ROBO2: variants seen among roughly 807,000 people sequenced by gnomAD.
ROBO2 encodes roundabout homolog 2.
Under a neutral mutation model 160.8 loss-of-function variants are expected in ROBO2, and 53 were observed. The observed-to-expected ratio is 0.33, with a 90% CI of 0.26 to 0.41. The LOEUF is 0.41. ROBO2 is among the 10% of genes least tolerant of loss of function. The pLI is 1.00. For missense variants in ROBO2, 1,577 were observed against 1,722.4 expected (o/e 0.92, Z 1.49); for synonymous variants, 664 against 611.7 (o/e 1.09, Z -1.26).
chr3:77,114,646 G>C (rs943495683), intron 2 of ROBO2, among the ~76,000 whole-genome samples: 1 of 152,116 alleles, frequency 6.6e-6, no homozygotes. Context: ...TTTTTTGAAA[G>C]ATTATGCACA....
chr3:77,139,072 T>C (rs912281317), intron 2 of ROBO2, among the ~76,000 whole-genome samples: 1 of 152,240 alleles, frequency 6.6e-6, no homozygotes, highest in South Asian at 2.1e-4. Flanking sequence ...ATCTGGCCAG[T>C]TCTAATCACT....
intron 2 of ROBO2, among the ~76,000 whole-genome samples, chr3:76,725,142 A>G (rs964695338): frequency 2.6e-5 from 4 of 152,172 alleles, no homozygotes; most frequent in African/African-American, 9.7e-5. Context: ...GTCATTTATT[A>G]TAGCGCCCAG....
chr3:76,164,870 C>CT (rs11412029), intron 2 of ROBO2, among the ~76,000 whole-genome samples: 132,355 of 152,076 alleles, frequency 0.87, 58,123 homozygotes, highest in East Asian at 0.98. Flanking sequence ...GGGACTGCCC[C>CT]GCAGGACACT....
intron 24 of ROBO2, among the ~76,000 whole-genome samples, chr3:77,640,197 C>T (rs1250594755): frequency 4.7e-5 from 7 of 147,604 alleles, no homozygotes; most frequent in Admixed American, 1.4e-4. Context: ...CTGCAAGATC[C>T]GCCTCCCGGG....
intron 2 of ROBO2, among the ~76,000 whole-genome samples, chr3:76,079,107 TTATAGA>T (rs1037037028): frequency 3.3e-5 from 5 of 152,148 alleles, no homozygotes; most frequent in Non-Finnish European, 7.3e-5. Context: ...AAAATTGATC[TTATAGA>T]TATAGGAAAA....
At chr3:76,173,874 T>C (rs764125233) in intron 2 of ROBO2, among the ~76,000 whole-genome samples, 28 of 152,218 alleles carry the variant, frequency 1.8e-4, no homozygotes, top group Non-Finnish European at 3.5e-4. Context: ...TTTGCGTATA[T>C]ACCCAGTAAC....
chr3:76,893,139 G>T (rs559085517), intron 2 of ROBO2, among the ~76,000 whole-genome samples: 1 of 151,794 alleles, frequency 6.6e-6, no homozygotes, highest in African/African-American at 2.4e-5. Flanking sequence ...CAAAATATAC[G>T]GTACGCATTA....
intron 6 of ROBO2, among the ~76,000 whole-genome samples, chr3:77,525,192 G>A (rs964458529): frequency 6.7e-6 from 1 of 149,272 alleles, no homozygotes; most frequent in South Asian, 2.1e-4. Flanking sequence ...TTAATGCAGA[G>A]ACACAGTTGT....
At chr3:77,185,523 T>A (rs376875723) in intron 2 of ROBO2, among the ~76,000 whole-genome samples, 1 of 151,876 alleles carries the variant, frequency 6.6e-6, no homozygotes, top group Non-Finnish European at 1.5e-5. Context: ...AAGTAATAGA[T>A]GTTGGTGTGG....
intron 1 of ROBO2, among the ~76,000 whole-genome samples, chr3:77,083,257 C>A (rs114386793): frequency 6.6e-6 from 1 of 152,100 alleles, no homozygotes; most frequent in African/African-American, 2.4e-5. Flanking sequence ...TGAGCCCCAG[C>A]GTGGAGGTTC....
intron 2 of ROBO2, among the ~76,000 whole-genome samples, chr3:77,199,799 T>C (rs888293985): frequency 9.0e-6 from 1 of 111,472 alleles, no homozygotes; most frequent in African/African-American, 3.0e-5. Context: ...ATTTTTTTTT[T>C]TGTTGTTTAT....
intron 2 of ROBO2, among the ~76,000 whole-genome samples, chr3:77,306,539 T>A (rs976379973): frequency 3.3e-5 from 5 of 152,150 alleles, no homozygotes; most frequent in Non-Finnish European, 7.4e-5. Flanking sequence ...CACACATTTT[T>A]AAAAATCCTG....
At chr3:77,301,564 A>C (rs1255489873) in intron 2 of ROBO2, among the ~76,000 whole-genome samples, 2 of 152,226 alleles carry the variant, frequency 1.3e-5, no homozygotes, top group Non-Finnish European at 2.9e-5. Context: ...AAATGTTCCT[A>C]TCATACATAT....
intron 2 of ROBO2, among the ~76,000 whole-genome samples, chr3:77,455,507 C>T (rs928883038): frequency 3.9e-5 from 6 of 152,176 alleles, no homozygotes; most frequent in Admixed American, 3.9e-4. Context: ...TCTCAGCTCA[C>T]CGCAACATCC....
chr3:76,247,250 C>T (rs1183130659), intron 2 of ROBO2, among the ~76,000 whole-genome samples: 1 of 151,908 alleles, frequency 6.6e-6, no homozygotes. Context: ...GAGTTAGTGC[C>T]ACTTCACTTT....
At chr3:76,736,827 C>T (rs1410590927) in intron 2 of ROBO2, among the ~76,000 whole-genome samples, 1 of 152,184 alleles carries the variant, frequency 6.6e-6, no homozygotes, top group African/African-American at 2.4e-5. Context: ...ATCATCACTA[C>T]TTACTAATGT....
intron 2 of ROBO2, among the ~76,000 whole-genome samples, chr3:76,169,596 T>A (rs1317739332): frequency 6.6e-6 from 1 of 152,156 alleles, no homozygotes; most frequent in Non-Finnish European, 1.5e-5. Flanking sequence ...GGAAATAATG[T>A]ATCTCTCTGC....
intron 2 of ROBO2, among the ~76,000 whole-genome samples, chr3:77,377,501 T>C (rs1230706629): frequency 1.3e-5 from 2 of 152,234 alleles, no homozygotes; most frequent in African/African-American, 4.8e-5. Context: ...TCATTCACTT[T>C]ATAACTAGAT....
At chr3:76,457,960 G>A (rs776131251) in intron 2 of ROBO2, among the ~76,000 whole-genome samples, 5 of 152,172 alleles carry the variant, frequency 3.3e-5, no homozygotes, top group East Asian at 3.9e-4. Flanking sequence ...CCTGGCCCAC[G>A]AAATCACTTT....
Sources: gnomAD v4.1 joint callset for allele counts (sites outside exome capture counted in the v4.1 genomes callset) on GRCh38, gnomAD v4.1.1 for gene constraint, MANE v1.5 for transcripts, NCBI Gene and HGNC (gene_info 2026-07-23, HGNC 2026-07-21) for gene names.